PPP2R5E: variants seen among roughly 807,000 people sequenced by gnomAD.
PPP2R5E encodes protein phosphatase 2 regulatory subunit B'epsilon.
A neutral mutation model predicts 65.3 loss-of-function variants in PPP2R5E; 4 were observed. The observed-to-expected ratio is 0.06, with a 90% CI of 0.03 to 0.14. PPP2R5E has a LOEUF of 0.14. PPP2R5E is among the 10% of genes least tolerant of loss of function. The pLI is 1.00. For synonymous variants in PPP2R5E, 183 were observed against 187.4 expected, an observed-to-expected ratio of 0.98 and a Z score of 0.19; for missense variants, 274 against 556.1, an observed-to-expected ratio of 0.49 and a Z score of 5.10.
At chr14:63,397,114 T>A (rs1271124891) in intron 5 of PPP2R5E, among the ~76,000 whole-genome samples, 1 of 152,094 alleles carries the variant, frequency 6.6e-6, no homozygotes, top group Admixed American at 6.5e-5. Context: ...AGCTAATAGG[T>A]GGTAAAGCTA....
intron 2 of PPP2R5E, among the ~76,000 whole-genome samples, chr14:63,505,764 A>C (rs1290291238): frequency 1.3e-5 from 2 of 152,238 alleles, no homozygotes; most frequent in Non-Finnish European, 2.9e-5. Flanking sequence ...TGACCGTCAC[A>C]TACTACCCTA....
At chr14:63,415,529 A>G (rs1469316501) in intron 4 of PPP2R5E, among the ~76,000 whole-genome samples, 1 of 152,180 alleles carries the variant, frequency 6.6e-6, no homozygotes, top group African/African-American at 2.4e-5. Flanking sequence ...ACAACATACT[A>G]ATGTACTATA....
intron 2 of PPP2R5E, among the ~76,000 whole-genome samples, chr14:63,494,757 T>C (rs1001393106): frequency 6.6e-5 from 10 of 151,616 alleles, no homozygotes; most frequent in East Asian, 3.9e-4. Flanking sequence ...TAGCCAAGCA[T>C]GGTGGTGCGT....
chr14:63,390,380 G>A (rs1403648500), intron 10 of PPP2R5E, among the ~76,000 whole-genome samples: 2 of 151,574 alleles, frequency 1.3e-5, no homozygotes, highest in South Asian at 2.1e-4. Context: ...ACTCAGCACC[G>A]GGTGCCGCAA....
chr14:63,527,558 C>A (rs1220900131), intron 2 of PPP2R5E, among the ~76,000 whole-genome samples: 1 of 152,176 alleles, frequency 6.6e-6, no homozygotes, highest in East Asian at 1.9e-4. Flanking sequence ...AAATGTTTTA[C>A]CTGCCTTCTG....
At chr14:63,501,955 C>A (rs1193073084) in intron 2 of PPP2R5E, among the ~76,000 whole-genome samples, 3 of 152,068 alleles carry the variant, frequency 2.0e-5, no homozygotes, top group Non-Finnish European at 2.9e-5. Flanking sequence ...AGTGCAGTGG[C>A]GAGATCTCAG....
At chr14:63,402,390 G>A (rs920839305) in intron 5 of PPP2R5E, among the ~76,000 whole-genome samples, 1 of 152,022 alleles carries the variant, frequency 6.6e-6, no homozygotes, top group Non-Finnish European at 1.5e-5. Flanking sequence ...GCAACTTTTC[G>A]GTAGACTAAC....
chr14:63,374,010 A>G lies in PPP2R5E; in HGVS notation c.*1999T>C, dbSNP rs1353533599. The G allele has an allele frequency of 6.6e-6, 1 of 151,470 alleles. No individual in the cohort carries two copies. Among genetic ancestry groups the G allele is most frequent in the Non-Finnish European group, 1.5e-5 (1 of 67,852 alleles). 9.4% of individuals were successfully genotyped at this position (151,470 alleles called of 1,614,324 possible). On this transcript the variant is annotated 3_prime_UTR_variant, in exon 14 of 14. Coordinates refer to ENST00000337537, the MANE Select transcript of PPP2R5E (RefSeq NM_006246.5). The stretch of plus-strand genomic sequence containing the variant: ...AATCCCCATCAATGTTCTTTAAAAA[A>G]AAAAAAAAAAAAACTATTAATTCCA...
Position 63,453,814 on chromosome 14 carries a change from T to A in PPP2R5E, c.229A>T (p.Met77Leu). The A allele has an allele frequency of 6.2e-7, 1 of 1,605,676 alleles. No individual in the cohort carries two copies. Among genetic ancestry groups the A allele is most frequent in the Non-Finnish European group, 8.5e-7 (1 of 1,176,658 alleles). The change falls in exon 3 of 14, where the codon ATG becomes TTG. Residue 77 changes from methionine (M) to leucine (L), a missense_variant. Met to Leu is a conservative substitution (Grantham distance 15). This residue lies in a region of PPP2R5E where 51 missense variants were observed against 101.1 expected (regional missense o/e 0.50). Coordinates refer to ENST00000337537, the MANE Select transcript of PPP2R5E (RefSeq NM_006246.5). ...ATTTTAAGATCAGATAGCGTGTCCATGAAGTCAAAAATGACACAGCACTGC... is the reference window on the plus strand; with the variant it reads ...ATTTTAAGATCAGATAGCGTGTCCAAGAAGTCAAAAATGACACAGCACTGC... ...LQQCCVIFDF[M>L]DTLSDLKMKE...
At chr14:63,421,194 C>G (rs1887003796) in intron 4 of PPP2R5E, among the ~76,000 whole-genome samples, 1 of 150,814 alleles carries the variant, frequency 6.6e-6, no homozygotes, top group African/African-American at 2.4e-5. Context: ...TTCCCCCTTG[C>G]TATTTGTCGA....
chr14:63,503,977 G>A (rs1018181539), intron 2 of PPP2R5E, among the ~76,000 whole-genome samples: 3 of 152,152 alleles, frequency 2.0e-5, no homozygotes, highest in African/African-American at 4.8e-5. Context: ...ACACGCCAGT[G>A]TCCTCTGAGT....
In PPP2R5E at chr14:63,470,348, C is replaced by T. The variant is rs903680971; in HGVS notation, c.158-16463G>A. ...TGGACCTCCCAAAGTGCTGGGATTA[C>T]AAGTGTGAGCCCCTGCATCCAGCCT... On this transcript the variant is annotated intron_variant, in intron 2 of 13. Transcript: ENST00000337537. 4.0e-5 allele frequency among the ~76,000 whole-genome samples: 6 copies of T among 151,814 alleles called. 1 individual carries two copies. Among genetic ancestry groups the T allele is most frequent in the African/African-American group, 1.5e-4 (6 of 41,326 alleles).
intron 2 of PPP2R5E, among the ~76,000 whole-genome samples, chr14:63,510,040 A>G (rs1306192150): frequency 6.6e-6 from 1 of 152,254 alleles, no homozygotes; most frequent in Non-Finnish European, 1.5e-5. Context: ...TATGTAAACC[A>G]TAAGCATACA....
intron 7 of PPP2R5E, 74 bp downstream of exon 7, chr14:63,395,152 C>T: frequency 3.1e-6 from 4 of 1,275,966 alleles, no homozygotes; most frequent in Non-Finnish European, 3.4e-6. Context: ...AGGTGAGCAT[C>T]TCTTGGTGCC....
At chr14:63,523,118 C>T (rs996792701) in intron 2 of PPP2R5E, among the ~76,000 whole-genome samples, 2 of 149,582 alleles carry the variant, frequency 1.3e-5, no homozygotes, top group African/African-American at 5.0e-5. Context: ...CCAGCAGCCC[C>T]TTCCGGGAAG....
chr14:63,476,123 G>C (rs896977470), intron 2 of PPP2R5E, among the ~76,000 whole-genome samples: 2 of 152,186 alleles, frequency 1.3e-5, no homozygotes, highest in Non-Finnish European at 2.9e-5. Context: ...ACACAAGCTG[G>C]AGTCAGAATA....
chr14:63,411,064 A>C (rs924700449), intron 5 of PPP2R5E, among the ~76,000 whole-genome samples: 1 of 152,218 alleles, frequency 6.6e-6, no homozygotes, highest in Non-Finnish European at 1.5e-5. Flanking sequence ...GCAAGCACTT[A>C]GGGCAGGATC....
intron 2 of PPP2R5E, among the ~76,000 whole-genome samples, chr14:63,520,781 C>T (rs934283339): frequency 1.0e-4 from 15 of 143,068 alleles, no homozygotes; most frequent in Non-Finnish European, 1.5e-5. Flanking sequence ...TTTGGGAGGC[C>T]GAGGCGGGTG....
intron 5 of PPP2R5E, among the ~76,000 whole-genome samples, chr14:63,398,531 G>A (rs1022875681): frequency 6.6e-5 from 10 of 152,178 alleles, no homozygotes; most frequent in African/African-American, 1.9e-4. Context: ...CCTGGCTCAC[G>A]CCTGTAATCC....
Sources: allele counts gnomAD v4.1 joint callset (sites outside exome capture counted in the v4.1 genomes callset), GRCh38; gene constraint gnomAD v4.1.1; regional missense constraint gnomAD v4.1.1; transcripts MANE v1.5; gene names NCBI Gene and HGNC (gene_info 2026-07-23, HGNC 2026-07-21).